FOXN3: variants seen among roughly 807,000 people sequenced by gnomAD.
FOXN3 encodes the protein forkhead box N3.
Under a neutral mutation model 38.4 loss-of-function variants are expected in FOXN3, and 7 were observed. The observed-to-expected ratio is 0.18, with a 90% CI of 0.10 to 0.34. The LOEUF is 0.34. Among genes scored for constraint, FOXN3 ranks in the 10% least tolerant of loss-of-function variants. The probability of loss-of-function intolerance (pLI) is 1.00; values close to 1 mark genes in which losing one functional copy is unlikely to be tolerated. For missense variants in FOXN3, 456 were observed against 613.4 expected, an observed-to-expected ratio of 0.74 and a Z score of 2.71; for synonymous variants, 230 against 242.2, an observed-to-expected ratio of 0.95 and a Z score of 0.47.
chr14:89,585,565 G>A (rs1039856490), intron 1 of FOXN3, among the ~76,000 whole-genome samples: 1 of 152,062 alleles, frequency 6.6e-6, no homozygotes, highest in Non-Finnish European at 1.5e-5. Flanking sequence ...AGGCCCTTGG[G>A]ATACATCCAT....
At position 89,344,399 on chromosome 14, in the gene FOXN3, G is replaced by A. The variant is rs17125728; in HGVS notation, c.680+6273C>T. 4.3e-3 allele frequency among the ~76,000 whole-genome samples: 650 copies of A among 152,200 alleles called. 10 individuals carry two copies. Among genetic ancestry groups the A allele is most frequent in the African/African-American group, 0.015 (609 of 41,524 alleles). On this transcript the variant is annotated intron_variant, in intron 3 of 5. Coordinates refer to ENST00000557258, the MANE Select transcript of FOXN3 (RefSeq NM_005197.4). ...AATTACCAAGGAAACACAAAACAAC[G>A]CTGGCTCTGAAAACCAATCATCCAG... is the stretch of plus-strand genomic sequence containing the variant.
intron 1 of FOXN3, among the ~76,000 whole-genome samples, chr14:89,563,955 T>G (rs980431576): frequency 8.5e-5 from 13 of 152,128 alleles, no homozygotes; most frequent in South Asian, 6.2e-4. Flanking sequence ...GTTCAAGCAA[T>G]TCTCCTGCCT....
chr14:89,240,353 G>C (rs1258015681), intron 4 of FOXN3, among the ~76,000 whole-genome samples: 3 of 152,002 alleles, frequency 2.0e-5, no homozygotes, highest in Non-Finnish European at 4.4e-5. Flanking sequence ...TTCCTTTCCA[G>C]TTAAGGAAAT....
At chr14:89,178,628 G>A (rs1458334968) in intron 5 of FOXN3, among the ~76,000 whole-genome samples, 1 of 152,188 alleles carries the variant, frequency 6.6e-6, no homozygotes, top group Non-Finnish European at 1.5e-5. Flanking sequence ...AAACAAGACT[G>A]TTTGCTGCAG....
chr14:89,512,180 T>A (rs879334033), intron 1 of FOXN3, among the ~76,000 whole-genome samples: 13 of 152,206 alleles, frequency 8.5e-5, no homozygotes, highest in Admixed American at 3.9e-4. Context: ...GAAGCCATAG[T>A]GAGGGGCAGT....
intron 1 of FOXN3, among the ~76,000 whole-genome samples, chr14:89,440,050 G>A (rs1201558020): frequency 6.6e-6 from 1 of 152,082 alleles, no homozygotes; most frequent in East Asian, 1.9e-4. Flanking sequence ...CTTGGAGTCT[G>A]GATTGGGACC....
chr14:89,296,699 G>A (rs1566949694), intron 3 of FOXN3, among the ~76,000 whole-genome samples: 1 of 152,182 alleles, frequency 6.6e-6, no homozygotes, highest in Admixed American at 6.5e-5. Flanking sequence ...GCAATGGCAC[G>A]ATTTCAGCTC....
chr14:89,248,713 C>T (rs1447432167), intron 4 of FOXN3, among the ~76,000 whole-genome samples: 1 of 152,246 alleles, frequency 6.6e-6, no homozygotes, highest in Non-Finnish European at 1.5e-5. Flanking sequence ...AAAATTAGAA[C>T]TTCCTCCGCT....
At chr14:89,511,270 T>C (rs373352095) in intron 1 of FOXN3, among the ~76,000 whole-genome samples, 2,659 of 45,328 alleles carry the variant, frequency 0.059, 767 homozygotes, top group Non-Finnish European at 0.074. Flanking sequence ...TTTCTTTCTT[T>C]CTTTCTTTCT....
intron 4 of FOXN3, among the ~76,000 whole-genome samples, chr14:89,256,818 A>G (rs1885637627): frequency 2.0e-5 from 3 of 152,152 alleles, no homozygotes. Context: ...CTTTCTCGAC[A>G]CTGGCTCATT....
At chr14:89,462,928 C>G (rs934151997) in intron 1 of FOXN3, among the ~76,000 whole-genome samples, 7 of 151,114 alleles carry the variant, frequency 4.6e-5, no homozygotes, top group African/African-American at 1.7e-4. Context: ...TCATGATCCA[C>G]CCATCTTGGC....
intron 1 of FOXN3, among the ~76,000 whole-genome samples, chr14:89,554,282 G>A (rs1421777890): frequency 2.6e-5 from 4 of 152,100 alleles, no homozygotes; most frequent in South Asian, 4.1e-4. Flanking sequence ...TTATAGGCAT[G>A]AGCCACCACG....
intron 2 of FOXN3, among the ~76,000 whole-genome samples, chr14:89,398,115 A>G (rs1891147239): frequency 6.6e-6 from 1 of 152,198 alleles, no homozygotes; most frequent in Non-Finnish European, 1.5e-5. Flanking sequence ...CCCCAACCAC[A>G]TAATTCTGGC....
intron 3 of FOXN3, among the ~76,000 whole-genome samples, chr14:89,307,422 G>A (rs984362821): frequency 1.3e-5 from 2 of 152,112 alleles, no homozygotes; most frequent in East Asian, 1.9e-4. Flanking sequence ...CATGGGTACT[G>A]TTTGTAGGTC....
rs964884972 is a variant in FOXN3 at position 89,565,634 on chromosome 14, T to C, written c.-15+53394A>G. 5.9e-5 allele frequency among the ~76,000 whole-genome samples: 9 copies of C among 152,150 alleles called. No individual in the cohort carries two copies. In the South Asian group the frequency reaches 6.2e-4, roughly 11 times the overall value. ...GGATTCTATCACATCATAGCCAAAATAGGCATTTGGTCTCATATCTACCAA... is the reference window on the plus strand; with the variant it reads ...GGATTCTATCACATCATAGCCAAAACAGGCATTTGGTCTCATATCTACCAA... On this transcript the variant is annotated intron_variant, in intron 1 of 6. Transcript: ENST00000345097.
rs116305954 is a variant in FOXN3 at position 89,599,596 on chromosome 14, G to A, written c.-15+19432C>T. 9.2e-3 allele frequency among the ~76,000 whole-genome samples: 1,393 copies of A among 151,932 alleles called. 14 individuals carry two copies. The highest frequency in any genetic ancestry group is 0.032 in the African/African-American group (1,306 of 41,326). On this transcript the variant is annotated intron_variant, in intron 1 of 6. Transcript: ENST00000345097. ...TTTTAATCATATCTGGTCTTCTCAT[G>A]TGATGTGTCTATTATTTCTACTGAC...
chr14:89,555,838 G>GGTGTGTGTGTGTGT (rs201016882), intron 1 of FOXN3, among the ~76,000 whole-genome samples: 1,084 of 89,642 alleles, frequency 0.012, 58 homozygotes, highest in African/African-American at 0.026. Context: ...TCTAGTTCAT[G>GGTGTGTGTGTGTGT]GTGTGTGTGT....
At chr14:89,382,942 C>T (rs902183812) in intron 2 of FOXN3, among the ~76,000 whole-genome samples, 2 of 151,258 alleles carry the variant, frequency 1.3e-5, no homozygotes, top group African/African-American at 2.4e-5. Context: ...GGCTCCCCAG[C>T]AGGGATCCAC....
At chr14:89,363,484 C>T (rs1889960222) in intron 2 of FOXN3, among the ~76,000 whole-genome samples, 1 of 143,642 alleles carries the variant, frequency 7.0e-6, no homozygotes, top group African/African-American at 2.6e-5. Context: ...TGGTTCTTGT[C>T]TACACTGCTA....
Sources: gnomAD v4.1 joint callset for allele counts (sites outside exome capture counted in the v4.1 genomes callset) on GRCh38, gnomAD v4.1.1 for gene constraint, MANE v1.5 for transcripts, NCBI Gene and HGNC (gene_info 2026-07-23, HGNC 2026-07-21) for gene names.